SLC9A2: variants seen among roughly 807,000 people sequenced by gnomAD.
SLC9A2 encodes sodium/hydrogen exchanger 2.
SLC9A2 carries 42 observed loss-of-function variants against 71.7 expected under a neutral mutation model. The observed-to-expected ratio is 0.59, with a 90% confidence interval of 0.46 to 0.76. The LOEUF (loss-of-function observed/expected upper bound fraction) is 0.76, where lower values mean the gene tolerates loss of function less well. Ranked by LOEUF, SLC9A2 falls within the 30% of genes least tolerant of loss-of-function variation. The probability of loss-of-function intolerance (pLI) is 0.00; values close to 1 mark genes in which losing one functional copy is unlikely to be tolerated. For missense variants in SLC9A2, 829 were observed against 1,017.4 expected (o/e 0.81, Z 2.52); for synonymous variants, 396 against 392.5 (o/e 1.01, Z -0.10).
intron 2 of SLC9A2, among the ~76,000 whole-genome samples, chr2:102,659,850 G>T (rs2104521694): frequency 6.6e-6 from 1 of 152,310 alleles, no homozygotes; most frequent in South Asian, 2.1e-4. Flanking sequence ...TGTCGAGGGA[G>T]ACTGAGGACC....
intron 1 of SLC9A2, among the ~76,000 whole-genome samples, chr2:102,642,395 G>A (rs562651001): frequency 1.6e-3 from 238 of 151,936 alleles, no homozygotes; most frequent in African/African-American, 4.9e-3. Context: ...GTTGAATTTC[G>A]TCACATACTT....
intron 9 of SLC9A2, among the ~76,000 whole-genome samples, chr2:102,703,915 T>A (rs1221092691): frequency 1.3e-5 from 2 of 152,278 alleles, no homozygotes; most frequent in East Asian, 3.9e-4. Context: ...AAAAAGGGAA[T>A]GTGCTGAAGT....
Position 102,702,500 on chromosome 2 carries a change from C to T in SLC9A2, c.1843C>T (p.Arg615Ter), listed in dbSNP as rs770829784. 14 of 1,548,738 alleles carry T rather than the reference C, an allele frequency of 9.0e-6. No individual in the cohort carries two copies. Among genetic ancestry groups the T allele is most frequent in the South Asian group, 1.2e-5 (1 of 85,862 alleles). ...AAGAAATCTCTATCAAATCCGTCAG[C>T]GAGTAAGAATAATTTATGTAGCAAA... ...LSRNLYQIRQ[R>*]TLSYNRHSLT... The change falls in exon 9 of 12, where the codon CGA (arginine) becomes TGA (stop). Residue 615 changes from arginine (R) to a stop codon, truncating the protein, a stop_gained and splice_region_variant. Transcript: ENST00000233969. LOFTEE classifies it high-confidence loss of function.
chr2:102,640,122 C>T (rs1292650004), intron 1 of SLC9A2, among the ~76,000 whole-genome samples: 1 of 152,220 alleles, frequency 6.6e-6, no homozygotes, highest in African/African-American at 2.4e-5. Context: ...CATCTGTCTC[C>T]TGAGGCTTGG....
rs1010407065 is a variant in SLC9A2 at position 102,671,258 on chromosome 2, G to A, written c.1004+5908G>A. Among the ~76,000 whole-genome samples, 4 of 151,842 alleles carry A rather than the reference G, an allele frequency of 2.6e-5. No individual in the cohort carries two copies. In the East Asian group the frequency reaches 7.7e-4, roughly 29 times the overall value. On this transcript the variant is annotated intron_variant, in intron 3 of 11. Transcript: ENST00000233969. ...CGTTACATTGCCTTGACAAATAATA[G>A]TTTTACTTTTAATTATAGTGTATGC...
intron 3 of SLC9A2, among the ~76,000 whole-genome samples, chr2:102,670,041 A>ATTTTTTAT (rs1553426758): frequency 6.7e-6 from 1 of 149,862 alleles, no homozygotes; most frequent in Non-Finnish European, 1.5e-5. Context: ...TTTATTTTTT[A>ATTTTTTAT]TTTTTTTTGA....
At chr2:102,704,414 T>C in intron 9 of SLC9A2, 130 bp from the exon 10 acceptor site, 2 of 661,976 alleles carry the variant, frequency 3.0e-6, no homozygotes, top group Non-Finnish European at 4.9e-6. Flanking sequence ...TTTTTTGCTC[T>C]GCACAGAAGT....
chr2:102,685,062 G>T (rs1677522751), intron 5 of SLC9A2, among the ~76,000 whole-genome samples: 1 of 152,190 alleles, frequency 6.6e-6, no homozygotes, highest in Non-Finnish European at 1.5e-5. Flanking sequence ...AGTCAAGCAT[G>T]GTAAGGGTAA....
intron 1 of SLC9A2, among the ~76,000 whole-genome samples, chr2:102,633,333 G>A (rs1021376634): frequency 3.9e-5 from 6 of 152,096 alleles, no homozygotes; most frequent in African/African-American, 9.6e-5. Context: ...GTGTCTCACC[G>A]GGCCCCCTGT....
At chr2:102,635,206 C>T (rs760248902) in intron 1 of SLC9A2, among the ~76,000 whole-genome samples, 10 of 152,188 alleles carry the variant, frequency 6.6e-5, no homozygotes, top group Non-Finnish European at 1.3e-4. Context: ...TTTTCTCTTA[C>T]GGAACACTGG....
chr2:102,686,117 A>T (rs901224881), intron 5 of SLC9A2, among the ~76,000 whole-genome samples: 1 of 152,234 alleles, frequency 6.6e-6, no homozygotes, highest in African/African-American at 2.4e-5. Flanking sequence ...AATGCTTTCT[A>T]GGTACCTGAT....
rs1239311987 is a variant in SLC9A2 at position 102,634,591 on chromosome 2, T to G, written c.289+14454T>G. On this transcript the variant is annotated intron_variant, in intron 1 of 11. Transcript: ENST00000233969. Reference sequence around the variant, plus strand: ...ACCATGAAAATCTGTTTTGTCCATTTGCTCCATAGCAAGTTGTTAGACGTC... The same window carrying G: ...ACCATGAAAATCTGTTTTGTCCATTGGCTCCATAGCAAGTTGTTAGACGTC... Among the ~76,000 whole-genome samples the G allele has an allele frequency of 2.0e-5, 3 of 152,368 alleles. No individual in the cohort carries two copies. The East Asian group carries it at 5.8e-4, about 29-fold the overall frequency.
chr2:102,664,445 G>GCACACACA lies in SLC9A2; in HGVS notation c.754-630_754-623dup, dbSNP rs58155284. Among the ~76,000 whole-genome samples, 843 of 147,962 alleles carry GCACACACA rather than the reference G, an allele frequency of 5.7e-3. 3 individuals carry two copies. Among genetic ancestry groups the GCACACACA allele is most frequent in the Admixed American group, 0.011 (159 of 14,734 alleles). On this transcript the variant is annotated intron_variant, in intron 2 of 11. Transcript: ENST00000233969. ...AAATATGTATGAAGTTTCAGCAGAT[G>GCACACACA]CACACACACACACACACACACACAC...
chr2:102,667,711 A>G (rs1245976449), intron 3 of SLC9A2, among the ~76,000 whole-genome samples: 1 of 152,216 alleles, frequency 6.6e-6, no homozygotes, highest in African/African-American at 2.4e-5. Flanking sequence ...CTTTGTTTCC[A>G]ACTTCAAAGT....
At chr2:102,624,211 C>T (rs1676199582) in intron 1 of SLC9A2, among the ~76,000 whole-genome samples, 1 of 152,074 alleles carries the variant, frequency 6.6e-6, no homozygotes, top group African/African-American at 2.4e-5. Context: ...TTTAGTACAC[C>T]TCGGAAAAGC....
At chr2:102,652,683 A>G (rs1335346437) in intron 1 of SLC9A2, among the ~76,000 whole-genome samples, 1 of 152,158 alleles carries the variant, frequency 6.6e-6, no homozygotes, top group Non-Finnish European at 1.5e-5. Context: ...GGTCCTTAAC[A>G]GAAAAGTCTT....
chr2:102,652,006 G>A (rs546659312), intron 1 of SLC9A2, among the ~76,000 whole-genome samples: 3 of 152,106 alleles, frequency 2.0e-5, no homozygotes, highest in East Asian at 1.9e-4. Context: ...TCTGTCATTC[G>A]TCTCTTCTTG....
At position 102,672,953 on chromosome 2, in the gene SLC9A2, A is replaced by G. The variant is rs368395722; in HGVS notation, c.1004+7603A>G. On this transcript the variant is annotated intron_variant, in intron 3 of 11. Transcript: ENST00000233969. ...TACTCTGCAGACTGACTGAAGATCA[A>G]TCGAGCCTCTATATTAAGGTCTATA... is the stretch of plus-strand genomic sequence containing the variant. Among the ~76,000 whole-genome samples the G allele has an allele frequency of 4.6e-4, 70 of 152,284 alleles. No individual in the cohort carries two copies. In the East Asian group the frequency reaches 9.1e-3, roughly 20 times the overall value.
rs752665151 is a variant in SLC9A2 at position 102,657,875 on chromosome 2, G to A, written c.601G>A (p.Asp201Asn). 6.2e-6 allele frequency: 10 copies of A among 1,614,206 alleles called. No homozygotes were observed. Among genetic ancestry groups the A allele is most frequent in the Middle Eastern group, 1.6e-4 (1 of 6,062 alleles). ...CCAGATCGAAGCATTCGGCCTCAGC[G>A]ACATCACTTTGCTCCAGAACCTGCT... Reference protein sequence around the residue: ...ICQIEAFGLSDITLLQNLLFG... With the variant: ...ICQIEAFGLSNITLLQNLLFG... Residue 201 changes from aspartate (D) to asparagine (N), a missense_variant, in exon 2 of 12, where the codon GAC (aspartate) becomes AAC (asparagine). Asp to Asn is a conservative substitution (Grantham distance 23). Coordinates refer to ENST00000233969, the MANE Select transcript of SLC9A2 (RefSeq NM_003048.6).
Sources: allele counts gnomAD v4.1 joint callset (sites outside exome capture counted in the v4.1 genomes callset), GRCh38; gene constraint gnomAD v4.1.1; transcripts MANE v1.5; gene names NCBI Gene and HGNC (gene_info 2026-07-23, HGNC 2026-07-21).